Variants in CSMD1 observed in about 807,000 individuals in gnomAD.
CSMD1 encodes the protein CUB and Sushi multiple domains 1, also known as CUB and sushi domain-containing protein 1.
In CSMD1, 213 loss-of-function variants were observed where a neutral mutation model predicts 417.5. The observed-to-expected ratio is 0.51, with a 90% confidence interval of 0.46 to 0.57. The LOEUF is 0.57. Ranked by LOEUF, CSMD1 falls within the 20% of genes least tolerant of loss-of-function variation. The pLI is 0.00. For missense variants in CSMD1, 6,923 were observed against 4,529.7 expected (o/e 1.53, Z -15.17); for synonymous variants, 2,862 against 1,736.8 (o/e 1.65, Z -16.11).
At chr8:4,762,835 GATCT>G (rs1812205153) in intron 1 of CSMD1, among the ~76,000 whole-genome samples, 1 of 152,170 alleles carries the variant, frequency 6.6e-6, no homozygotes, top group Non-Finnish European at 1.5e-5. Flanking sequence ...GCGAAGAAAA[GATCT>G]TTCTTTGGTA....
intron 3 of CSMD1, among the ~76,000 whole-genome samples, chr8:4,042,906 T>A (rs547618502): frequency 2.8e-5 from 4 of 144,738 alleles, no homozygotes; most frequent in African/African-American, 1.0e-4. Context: ...GGTGGGAAGA[T>A]TATGAGTTCA....
At chr8:3,587,080 G>GT (rs1563177102) in intron 8 of CSMD1, among the ~76,000 whole-genome samples, 1 of 152,200 alleles carries the variant, frequency 6.6e-6, no homozygotes, top group African/African-American at 2.4e-5. Flanking sequence ...GATTACAGGC[G>GT]TGAGCCACTG....
At chr8:2,993,926 G>C (rs985007347) in intron 54 of CSMD1, among the ~76,000 whole-genome samples, 6 of 151,052 alleles carry the variant, frequency 4.0e-5, no homozygotes, top group African/African-American at 1.5e-4. Context: ...CAGCACTTTG[G>C]TGAGGTCAGG....
Position 3,885,891 on chromosome 8 carries a change from G to A in CSMD1, c.818+112012C>T, listed in dbSNP as rs182073477. Among the ~76,000 whole-genome samples, 148 of 152,146 alleles carry A rather than the reference G, an allele frequency of 9.7e-4. 1 individual carries two copies. The highest frequency in any genetic ancestry group is 1.3e-3 in the Non-Finnish European group (91 of 68,004). Reference sequence around the variant, plus strand: ...TCTTTTGCTAAATTTTTCTAAATAGGAGTAAAGTTTGTTGTTAATCTGTGA... The same window carrying A: ...TCTTTTGCTAAATTTTTCTAAATAGAAGTAAAGTTTGTTGTTAATCTGTGA... On this transcript the variant is annotated intron_variant, in intron 5 of 69. Coordinates refer to ENST00000635120, the MANE Select transcript of CSMD1 (RefSeq NM_033225.6).
At position 3,340,651 on chromosome 8, in the gene CSMD1, C is replaced by G. The variant is rs1422309611; in HGVS notation, c.3631+2643G>C. ...ATCTTTTTGGAATAAATATTTGATT[C>G]AGGTATTTGATGACCTTGGGGAGCT... is the stretch of plus-strand genomic sequence containing the variant. On this transcript the variant is annotated intron_variant, in intron 23 of 69. Coordinates refer to ENST00000635120, the MANE Select transcript of CSMD1 (RefSeq NM_033225.6). Among the ~76,000 whole-genome samples, 41 of 152,114 alleles carry G rather than the reference C, an allele frequency of 2.7e-4. 1 individual carries two copies. The highest frequency in any genetic ancestry group is 2.6e-3 in the Admixed American group (40 of 15,268).
chr8:4,143,948 C>T (rs1276389343), intron 3 of CSMD1, among the ~76,000 whole-genome samples: 1 of 151,270 alleles, frequency 6.6e-6, no homozygotes. Context: ...AAGGGATGGC[C>T]AGTGCTTGGC....
At chr8:3,778,850 C>G (rs888440971) in intron 5 of CSMD1, among the ~76,000 whole-genome samples, 3 of 152,146 alleles carry the variant, frequency 2.0e-5, no homozygotes. Flanking sequence ...ATTGAATACT[C>G]AGTTGAGAAA....
chr8:4,140,269 G>C (rs1405635795), intron 3 of CSMD1, among the ~76,000 whole-genome samples: 1 of 150,920 alleles, frequency 6.6e-6, no homozygotes, highest in Non-Finnish European at 1.5e-5. Context: ...AGCTAAGGCG[G>C]GTGGATCACT....
chr8:4,161,162 A>G (rs367841620), intron 3 of CSMD1, among the ~76,000 whole-genome samples: 86 of 152,214 alleles, frequency 5.6e-4, no homozygotes, highest in African/African-American at 1.9e-3. Flanking sequence ...ATAAAAGTTC[A>G]GAAGGATGAA....
intron 65 of CSMD1, among the ~76,000 whole-genome samples, chr8:2,951,975 C>A (rs653808): frequency 0.19 from 29,331 of 152,126 alleles, 3,075 homozygotes; most frequent in East Asian, 0.28. Context: ...TTTTAAAGCA[C>A]AGAATCCATC....
At chr8:3,409,712 A>G (rs1433634574) in intron 12 of CSMD1, 107 bp from the exon 13 acceptor site, 8 of 816,776 alleles carry the variant, frequency 9.8e-6, no homozygotes, top group Admixed American at 3.0e-5. Flanking sequence ...TGAACTAAAC[A>G]TCATTTTTGT....
chr8:4,186,109 A>G (rs143840722), intron 3 of CSMD1, among the ~76,000 whole-genome samples: 1 of 152,286 alleles, frequency 6.6e-6, no homozygotes, highest in Non-Finnish European at 1.5e-5. Flanking sequence ...TGATTGGGCC[A>G]TGCCAGGCTG....
chr8:3,213,767 A>G (rs1023276392), intron 30 of CSMD1, among the ~76,000 whole-genome samples: 5 of 150,772 alleles, frequency 3.3e-5, no homozygotes, highest in South Asian at 2.1e-4. Context: ...ATGTATATAT[A>G]TGTGTGTGTG....
intron 3 of CSMD1, among the ~76,000 whole-genome samples, chr8:4,200,603 T>A (rs1799589806): frequency 6.6e-6 from 1 of 152,158 alleles, no homozygotes; most frequent in African/African-American, 2.4e-5. Flanking sequence ...ATGCCTGAAA[T>A]CCCAGCACTT....
intron 3 of CSMD1, among the ~76,000 whole-genome samples, chr8:4,084,742 C>A (rs981076165): frequency 2.0e-5 from 3 of 151,510 alleles, no homozygotes; most frequent in African/African-American, 7.3e-5. Context: ...CTTGCCCACC[C>A]CCACCCCCCT....
chr8:3,958,458 T>C (rs988201081), intron 5 of CSMD1, among the ~76,000 whole-genome samples: 4 of 152,216 alleles, frequency 2.6e-5, no homozygotes, highest in South Asian at 2.1e-4. Context: ...TTGTTTTATT[T>C]TTAAAAATGA....
intron 3 of CSMD1, among the ~76,000 whole-genome samples, chr8:4,345,250 A>G (rs1800713103): frequency 6.6e-6 from 1 of 152,208 alleles, no homozygotes; most frequent in African/African-American, 2.4e-5. Flanking sequence ...TGAAATGGAC[A>G]TGAAAATTAG....
At chr8:3,301,128 GT>G (rs371244247) in intron 25 of CSMD1, among the ~76,000 whole-genome samples, 6 of 150,860 alleles carry the variant, frequency 4.0e-5, no homozygotes, top group Admixed American at 6.6e-5. Context: ...TTCTTCAATT[GT>G]TTTTTTTTAA....
intron 57 of CSMD1, among the ~76,000 whole-genome samples, chr8:2,969,468 A>T (rs1357856864): frequency 6.6e-6 from 1 of 152,236 alleles, no homozygotes; most frequent in African/African-American, 2.4e-5. Flanking sequence ...AAGGAAATAT[A>T]TCTGCAATAT....
Sources: allele counts gnomAD v4.1 joint callset (sites outside exome capture counted in the v4.1 genomes callset), GRCh38; gene constraint gnomAD v4.1.1; transcripts MANE v1.5; gene names NCBI Gene and HGNC (gene_info 2026-07-23, HGNC 2026-07-21).